The following MAGI1 variants were observed in gnomAD, a reference collection of about 807,000 sequenced individuals.
The protein encoded by MAGI1 is membrane-associated guanylate kinase, WW and PDZ domain-containing protein 1.
MAGI1 carries 58 observed loss-of-function variants against 139.9 expected under a neutral mutation model. The ratio of observed to expected loss-of-function variants is 0.41; its 90% CI spans 0.34 to 0.52. The LOEUF is 0.52. MAGI1 is among the 20% of genes least tolerant of loss of function. The pLI, the probability that MAGI1 is intolerant of heterozygous loss-of-function variation, is 0.12. For missense variants in MAGI1, 1,874 were observed against 1,901.6 expected (o/e 0.99, Z 0.27); for synonymous variants, 812 against 737.9 (o/e 1.10, Z -1.63).
At chr3:65,871,654 C>T (rs368155168) in intron 1 of MAGI1, among the ~76,000 whole-genome samples, 14 of 152,114 alleles carry the variant, frequency 9.2e-5, no homozygotes, top group African/African-American at 3.4e-4. Context: ...CTCAGGGATC[C>T]GGCTTAGGAA....
At chr3:65,480,643 T>C (rs1951222532) in intron 3 of MAGI1, among the ~76,000 whole-genome samples, 1 of 146,858 alleles carries the variant, frequency 6.8e-6, no homozygotes, top group African/African-American at 2.5e-5. Context: ...TGGAGTGCAA[T>C]GGCACGATCT....
At chr3:65,574,004 T>C (rs1559683879) in intron 2 of MAGI1, among the ~76,000 whole-genome samples, 1 of 151,928 alleles carries the variant, frequency 6.6e-6, no homozygotes, top group East Asian at 1.9e-4. Flanking sequence ...CTATCTGGCC[T>C]TTTAAGAAAG....
chr3:65,696,028 CAA>C (rs2089151842), intron 1 of MAGI1, among the ~76,000 whole-genome samples: 1 of 152,336 alleles, frequency 6.6e-6, no homozygotes, highest in South Asian at 2.1e-4. Context: ...TCTTCTCACT[CAA>C]GATAAAATCC....
intron 1 of MAGI1, among the ~76,000 whole-genome samples, chr3:65,715,483 A>T (rs1407711136): frequency 6.6e-6 from 1 of 152,200 alleles, no homozygotes; most frequent in East Asian, 1.9e-4. Flanking sequence ...TGGAAATTCC[A>T]GTTGGACCAG....
At chr3:65,827,380 C>T (rs2042284157) in intron 1 of MAGI1, among the ~76,000 whole-genome samples, 2 of 151,886 alleles carry the variant, frequency 1.3e-5, no homozygotes, top group South Asian at 4.2e-4. Context: ...CTATGCTAGG[C>T]ACAGCACAAA....
At chr3:65,440,083 G>C (rs924805865) in intron 8 of MAGI1, 71 bp from the exon 9 acceptor site, 2 of 1,556,140 alleles carry the variant, frequency 1.3e-6, no homozygotes, top group Non-Finnish European at 1.8e-6. Context: ...ATCAGACCAA[G>C]TCCCTGGAAT....
At chr3:65,545,029 G>A (rs868344848) in intron 2 of MAGI1, among the ~76,000 whole-genome samples, 2 of 152,102 alleles carry the variant, frequency 1.3e-5, no homozygotes, top group Non-Finnish European at 2.9e-5. Flanking sequence ...GGGCTGCAAC[G>A]GAAACTTGTA....
At chr3:65,612,746 T>A (rs1302439328) in intron 2 of MAGI1, among the ~76,000 whole-genome samples, 4 of 152,264 alleles carry the variant, frequency 2.6e-5, no homozygotes, top group East Asian at 3.9e-4. Flanking sequence ...TACAAGGAAA[T>A]TTTTTAAAAT....
intron 2 of MAGI1, among the ~76,000 whole-genome samples, chr3:65,570,760 G>A (rs1404543638): frequency 6.6e-6 from 1 of 152,106 alleles, no homozygotes; most frequent in African/African-American, 2.4e-5. Flanking sequence ...GACTTATGTG[G>A]AAAAAATCCA....
At chr3:65,679,485 C>A (rs1257977503) in intron 1 of MAGI1, among the ~76,000 whole-genome samples, 3 of 152,052 alleles carry the variant, frequency 2.0e-5, no homozygotes, top group African/African-American at 4.8e-5. Context: ...ATTCATTGAA[C>A]CCAGAAGGCA....
chr3:65,744,459 G>T (rs1187251059), intron 1 of MAGI1, among the ~76,000 whole-genome samples: 3 of 152,172 alleles, frequency 2.0e-5, no homozygotes, highest in Non-Finnish European at 4.4e-5. Context: ...AGCATAACAA[G>T]AATAGGCTGA....
At chr3:66,001,126 T>C (rs1296591170) in intron 1 of MAGI1, among the ~76,000 whole-genome samples, 1 of 152,080 alleles carries the variant, frequency 6.6e-6, no homozygotes, top group East Asian at 1.9e-4. Flanking sequence ...AAATTCAGGG[T>C]GCCCAGAGAA....
At chr3:65,649,701 C>T (rs1247602259) in intron 1 of MAGI1, among the ~76,000 whole-genome samples, 1 of 152,030 alleles carries the variant, frequency 6.6e-6, no homozygotes, top group Non-Finnish European at 1.5e-5. Context: ...TGAACAGACT[C>T]CAAATATGAA....
intron 1 of MAGI1, among the ~76,000 whole-genome samples, chr3:65,824,187 C>T (rs1436875876): frequency 1.3e-5 from 2 of 152,166 alleles, no homozygotes; most frequent in Admixed American, 6.6e-5. Context: ...GCCTAGCCTA[C>T]GTCCCTGTGA....
intron 1 of MAGI1, among the ~76,000 whole-genome samples, chr3:65,788,303 A>G (rs1424197371): frequency 6.6e-6 from 1 of 152,234 alleles, no homozygotes; most frequent in African/African-American, 2.4e-5. Context: ...CTTACAAATA[A>G]TAATTTTTAT....
chr3:65,526,283 A>C (rs528052977), intron 2 of MAGI1, among the ~76,000 whole-genome samples: 7 of 152,256 alleles, frequency 4.6e-5, no homozygotes, highest in Non-Finnish European at 8.8e-5. Context: ...AAATTAAGGT[A>C]ACTTGGGAAG....
chr3:65,381,939 A>C lies in MAGI1; in HGVS notation c.2639T>G (p.Met880Arg), dbSNP rs754512219. The change falls in exon 16 of 23, where the codon ATG becomes AGG. Residue 880 changes from methionine (M) to arginine (R), a missense_variant. This residue lies in a region of MAGI1 where 482 missense variants were observed against 509.6 expected (regional missense o/e 0.95). Transcript: ENST00000402939. The stretch of plus-strand genomic sequence containing the variant: ...GTGGCCTTGCTTGGCAGCTTGTTGC[A>C]TAAGCTGGACCACAAGCTGGTGTGA... ...GKSHQLVVQLMQQAAKQGHVN... is the reference protein window; with the variant it reads ...GKSHQLVVQLRQQAAKQGHVN... The C allele has an allele frequency of 6.2e-7, 1 of 1,614,000 alleles. No individual in the cohort carries two copies. The highest frequency in any genetic ancestry group is 8.5e-7 in the Non-Finnish European group (1 of 1,180,026).
chr3:65,424,537 A>T (rs754194357), intron 12 of MAGI1, among the ~76,000 whole-genome samples: 1 of 152,146 alleles, frequency 6.6e-6, no homozygotes, highest in African/African-American at 2.4e-5. Flanking sequence ...AGAAAGGACA[A>T]TTTCACTTCC....
In MAGI1 at chr3:65,364,696, T is replaced by C. The variant is rs1319130386; in HGVS notation, c.3320A>G (p.Gln1107Arg). The C allele has an allele frequency of 6.2e-7, 1 of 1,613,924 alleles. No homozygotes were observed. Among genetic ancestry groups the C allele is most frequent in the African/African-American group, 1.3e-5 (1 of 74,908 alleles). The change falls in exon 20 of 23, where the codon CAA becomes CGA. Residue 1107 changes from glutamine to arginine, a missense_variant. By Grantham distance (43) the Gln-to-Arg change is conservative. This residue lies in a region of MAGI1 where 653 missense variants were observed against 644.5 expected (regional missense o/e 1.01). Coordinates refer to ENST00000402939, the MANE Select transcript of MAGI1 (RefSeq NM_001033057.2). ...TGCTTGGGGTGCTTTGAACTCAAAT[T>C]GAGATTCCTGCTTTGGTTTGGTGGT... is the stretch of plus-strand genomic sequence containing the variant. ...RNTTKPKQES[Q>R]FEFKAPQATQ... is the part of the protein sequence containing the mutation.
Sources: gnomAD v4.1 joint callset for allele counts (sites outside exome capture counted in the v4.1 genomes callset) on GRCh38, gnomAD v4.1.1 for gene constraint, gnomAD v4.1.1 regional missense constraint, MANE v1.5 for transcripts, NCBI Gene and HGNC (gene_info 2026-07-23, HGNC 2026-07-21) for gene names.